FAM53A: variants seen among roughly 807,000 people sequenced by gnomAD.
The protein encoded by FAM53A is protein FAM53A.
Under a neutral mutation model 26.6 loss-of-function variants are expected in FAM53A, and 28 were observed. The ratio of observed to expected loss-of-function variants is 1.05; its 90% CI spans 0.78 to 1.45. The LOEUF (loss-of-function observed/expected upper bound fraction) is 1.45. Among genes scored for constraint, FAM53A ranks in the 40% most tolerant of loss-of-function variants. The pLI is 0.00. For missense variants in FAM53A, 650 were observed against 575.8 expected (o/e 1.13, Z -1.32); for synonymous variants, 290 against 253.1 (o/e 1.15, Z -1.38).
At chr4:1,677,482 C>T (rs977403812) in intron 1 of FAM53A, among the ~76,000 whole-genome samples, 1 of 152,226 alleles carries the variant, frequency 6.6e-6, no homozygotes, top group African/African-American at 2.4e-5. Flanking sequence ...TGTCTTCACG[C>T]TTATCTCTAA....
downstream of FAM53A, among the ~76,000 whole-genome samples, chr4:1,617,722 G>GT (rs1401975677): frequency 2.0e-5 from 3 of 152,162 alleles, no homozygotes; most frequent in African/African-American, 7.2e-5. Context: ...AACACGCTTG[G>GT]TTTTCCTTCA....
At chr4:1,643,444 A>T (rs940113622) in intron 4 of FAM53A, among the ~76,000 whole-genome samples, 12 of 151,922 alleles carry the variant, frequency 7.9e-5, no homozygotes, top group Non-Finnish European at 1.8e-4. Flanking sequence ...CCAGCCTGGG[A>T]GACAGAGTGA....
intron 4 of FAM53A, among the ~76,000 whole-genome samples, chr4:1,642,037 CCA>C (rs1226196044): frequency 6.6e-6 from 1 of 152,110 alleles, no homozygotes; most frequent in Admixed American, 6.5e-5. Context: ...ACAGCCCCAC[CCA>C]GGGCCGCTCT....
At chr4:1,651,377 C>T (rs1489060223) in intron 4 of FAM53A, among the ~76,000 whole-genome samples, 1 of 151,824 alleles carries the variant, frequency 6.6e-6, no homozygotes, top group Non-Finnish European at 1.5e-5. Flanking sequence ...ATTAAAAATA[C>T]AAATATTAGC....
chr4:1,645,219 C>T (rs1179050722), intron 4 of FAM53A, among the ~76,000 whole-genome samples: 1 of 151,498 alleles, frequency 6.6e-6, no homozygotes, highest in Non-Finnish European at 1.5e-5. Flanking sequence ...GGCCAAGCCA[C>T]AGAGGCCCAC....
At chr4:1,620,417 G>T (rs576394731) in intron 1 of FAM53A, among the ~76,000 whole-genome samples, 5 of 152,026 alleles carry the variant, frequency 3.3e-5, no homozygotes, top group African/African-American at 1.2e-4. Flanking sequence ...TGTTTCCACA[G>T]AGGGGGGATT....
At chr4:1,593,394 C>CCG in the FAM53A span, among the ~76,000 whole-genome samples, 22 of 152,154 alleles carry the variant, frequency 1.4e-4, no homozygotes, top group African/African-American at 5.1e-4. Context: ...AGGCCCAGGG[C>CCG]CGCCCCTGAC....
At chr4:1,605,174 G>A in the FAM53A span, among the ~76,000 whole-genome samples, 2 of 152,222 alleles carry the variant, frequency 1.3e-5, no homozygotes, top group Non-Finnish European at 2.9e-5. The surrounding 1 kb of genome is among the most constrained non-coding windows in gnomAD (Gnocchi z 5.7). Context: ...ACGGCCTCCA[G>A]GCCCAGAATT....
At chr4:1,613,065 G>A (rs1014834628), downstream of FAM53A, among the ~76,000 whole-genome samples, 4 of 152,222 alleles carry the variant, frequency 2.6e-5, no homozygotes, top group Non-Finnish European at 5.9e-5. Context: ...AGCCTCTGCA[G>A]CAACCCAACC....
chr4:1,626,252 C>A (rs1715297574), intron 1 of FAM53A, among the ~76,000 whole-genome samples: 1 of 152,210 alleles, frequency 6.6e-6, no homozygotes, highest in Non-Finnish European at 1.5e-5. Context: ...CCAAGCTGAG[C>A]CCAAGTGACT....
the FAM53A span, among the ~76,000 whole-genome samples, chr4:1,593,536 C>T: frequency 6.6e-6 from 1 of 152,210 alleles, no homozygotes; most frequent in East Asian, 1.9e-4. Flanking sequence ...AAATGGTCCC[C>T]TCTTTAAGGG....
chr4:1,605,213 T>A, the FAM53A span, among the ~76,000 whole-genome samples: 2 of 152,120 alleles, frequency 1.3e-5, no homozygotes, highest in African/African-American at 2.4e-5. The surrounding 1 kb of genome is among the most constrained non-coding windows in gnomAD (Gnocchi z 5.7). Flanking sequence ...TGGGGTTGTT[T>A]CCGCTCCACA....
At chr4:1,612,502 C>T in the FAM53A span, among the ~76,000 whole-genome samples, 1 of 152,206 alleles carries the variant, frequency 6.6e-6, no homozygotes, top group Non-Finnish European at 1.5e-5. Context: ...CACATGCTCA[C>T]ACACACCACA....
At chr4:1,638,632 C>T (rs1201829580), downstream of FAM53A, among the ~76,000 whole-genome samples, 1 of 152,140 alleles carries the variant, frequency 6.6e-6, no homozygotes, top group Non-Finnish European at 1.5e-5. Context: ...CCAAGGGTTG[C>T]AGGCAGGACC....
At chr4:1,669,510 G>T (rs770621134) in intron 1 of FAM53A, among the ~76,000 whole-genome samples, 25 of 152,318 alleles carry the variant, frequency 1.6e-4, no homozygotes, top group Non-Finnish European at 3.1e-4. Flanking sequence ...CAGAGGCTGC[G>T]GGGCGGCCCC....
chr4:1,586,709 G>A, the FAM53A span, among the ~76,000 whole-genome samples: 1 of 149,762 alleles, frequency 6.7e-6, no homozygotes, highest in African/African-American at 2.5e-5. Context: ...TGTGAACCTG[G>A]GAGGCAGAGC....
intron 1 of FAM53A, among the ~76,000 whole-genome samples, chr4:1,669,980 A>G (rs1714515014): frequency 6.6e-6 from 1 of 152,222 alleles, no homozygotes; most frequent in African/African-American, 2.4e-5. Flanking sequence ...AAGGGCGGAC[A>G]GGACGCCAAA....
intron 4 of FAM53A, chr4:1,644,463 G>T: frequency 1.5e-6 from 2 of 1,307,044 alleles, no homozygotes; most frequent in South Asian, 3.0e-5. Context: ...GCTAGCGAAG[G>T]CCACACGGAA....
rs556824686 is a variant in FAM53A, at chr4:1,652,848, A to C, written c.882+2130T>G. Among the ~76,000 whole-genome samples, 366 of 143,064 alleles carry C rather than the reference A, an allele frequency of 2.6e-3. 1 individual carries two copies. Among genetic ancestry groups the C allele is most frequent in the Non-Finnish European group, 4.1e-3 (268 of 65,244 alleles). The allele number at this position is 143,064 out of a possible 152,430, so 93.9% of individuals were successfully genotyped here. On this transcript the variant is annotated intron_variant, in intron 4 of 4. Coordinates refer to ENST00000308132, the MANE Select transcript of FAM53A (RefSeq NM_001174070.3). ...ACCCACCACACACCACACGCTACAC[A>C]CCACACAGCACACACACCACACACC...
Sources: allele counts gnomAD v4.1 joint callset (sites outside exome capture counted in the v4.1 genomes callset), GRCh38; gene constraint gnomAD v4.1.1; non-coding constraint Gnocchi (gnomAD v3.1); transcripts MANE v1.5; gene names NCBI Gene and HGNC (gene_info 2026-07-23, HGNC 2026-07-21).